Variants in ENOX1 observed in about 807,000 individuals in gnomAD.
ENOX1 encodes ecto-NOX disulfide-thiol exchanger 1, also known as candidate growth-related and time keeping constitutive hydroquinone (NADH) oxidase.
ENOX1 carries 42 observed loss-of-function variants against 82.5 expected under a neutral mutation model. That is an observed-to-expected ratio of 0.51 (90% CI 0.40 to 0.66). The LOEUF is 0.66. ENOX1 is among the 30% of genes least tolerant of loss of function. The probability of loss-of-function intolerance (pLI) is 0.00; values close to 1 mark genes in which losing one functional copy is unlikely to be tolerated. For missense variants in ENOX1, 608 were observed against 811.6 expected (o/e 0.75, Z 3.05); for synonymous variants, 271 against 282.2 (o/e 0.96, Z 0.40).
chr13:43,411,356 G>C (rs1036496278), intron 5 of ENOX1, among the ~76,000 whole-genome samples: 3 of 152,064 alleles, frequency 2.0e-5, no homozygotes, highest in African/African-American at 7.2e-5. Context: ...TGACTTTGTG[G>C]TATTTCTAAA....
At chr13:43,415,853 C>G (rs2054451621) in intron 3 of ENOX1, among the ~76,000 whole-genome samples, 1 of 151,646 alleles carries the variant, frequency 6.6e-6, no homozygotes, top group Non-Finnish European at 1.5e-5. Flanking sequence ...AGACGCTCCC[C>G]ACTTCCCAGA....
At chr13:43,413,683 TTATA>T (rs1286586074) in intron 3 of ENOX1, among the ~76,000 whole-genome samples, 1 of 142,610 alleles carries the variant, frequency 7.0e-6, no homozygotes, top group South Asian at 2.1e-4. Flanking sequence ...ATTGCCCAGC[TTATA>T]TATATATATA....
intron 5 of ENOX1, among the ~76,000 whole-genome samples, chr13:43,389,808 CTT>C (rs1389047296): frequency 6.6e-6 from 1 of 152,132 alleles, no homozygotes; most frequent in African/African-American, 2.4e-5. Context: ...GAAAATATCT[CTT>C]GATTTAGATA....
chr13:43,503,582 T>C (rs1458642168), intron 2 of ENOX1, among the ~76,000 whole-genome samples: 2 of 151,590 alleles, frequency 1.3e-5, no homozygotes, highest in Non-Finnish European at 3.0e-5. Flanking sequence ...AACCCAGGCA[T>C]GTAAGATCCA....
chr13:43,616,805 G>A (rs1348272513), intron 2 of ENOX1, among the ~76,000 whole-genome samples: 1 of 152,088 alleles, frequency 6.6e-6, no homozygotes, highest in Non-Finnish European at 1.5e-5. Context: ...GGAGGTACTA[G>A]AGGAAATATC....
intron 11 of ENOX1, among the ~76,000 whole-genome samples, chr13:43,304,243 T>C (rs1186237011): frequency 2.6e-5 from 4 of 152,226 alleles, no homozygotes; most frequent in Non-Finnish European, 5.9e-5. Context: ...CAGCTAATGA[T>C]TTTTATGTGC....
intron 1 of ENOX1, among the ~76,000 whole-genome samples, chr13:43,678,091 G>C (rs2153795250): frequency 6.6e-6 from 1 of 152,192 alleles, no homozygotes; most frequent in South Asian, 2.1e-4. Context: ...ATATATCCAG[G>C]AGGCTGAATG....
intron 2 of ENOX1, among the ~76,000 whole-genome samples, chr13:43,486,493 T>C (rs568449078): frequency 6.6e-6 from 1 of 152,250 alleles, no homozygotes; most frequent in Non-Finnish European, 1.5e-5. Context: ...TGACAATTTT[T>C]AAACATTCAT....
intron 2 of ENOX1, among the ~76,000 whole-genome samples, chr13:43,540,541 T>G (rs1228977869): frequency 6.6e-6 from 1 of 151,962 alleles, no homozygotes; most frequent in East Asian, 1.9e-4. Context: ...CATAGAAAAG[T>G]ATGTTGGAAG....
chr13:43,315,385 A>G (rs1360784640), intron 11 of ENOX1, among the ~76,000 whole-genome samples: 1 of 152,208 alleles, frequency 6.6e-6, no homozygotes, highest in Non-Finnish European at 1.5e-5. Context: ...CGTTTTTCAA[A>G]ATCAGAGATT....
At chr13:43,712,097 T>C (rs1282458281) in intron 1 of ENOX1, among the ~76,000 whole-genome samples, 1 of 151,658 alleles carries the variant, frequency 6.6e-6, no homozygotes, top group Non-Finnish European at 1.5e-5. Flanking sequence ...TTAATTTTTG[T>C]ATAAGGTGTA....
chr13:43,397,022 C>T (rs773463143), intron 5 of ENOX1, among the ~76,000 whole-genome samples: 1 of 152,180 alleles, frequency 6.6e-6, no homozygotes, highest in Non-Finnish European at 1.5e-5. Context: ...TACTGAGTGG[C>T]TTTTCCTGCA....
At chr13:43,516,339 T>C (rs1294274394) in intron 2 of ENOX1, among the ~76,000 whole-genome samples, 1 of 152,134 alleles carries the variant, frequency 6.6e-6, no homozygotes, top group East Asian at 1.9e-4. Context: ...CTACGGGATC[T>C]AAAAATGTGA....
At chr13:43,261,192 G>A (rs2044036284) in intron 14 of ENOX1, among the ~76,000 whole-genome samples, 1 of 152,186 alleles carries the variant, frequency 6.6e-6, no homozygotes, top group Non-Finnish European at 1.5e-5. Flanking sequence ...ACAGTAGAAC[G>A]TAAAAACAAC....
intron 3 of ENOX1, among the ~76,000 whole-genome samples, chr13:43,423,400 G>C (rs1244674367): frequency 6.6e-6 from 1 of 152,158 alleles, no homozygotes; most frequent in Non-Finnish European, 1.5e-5. Flanking sequence ...CCCATTTTAC[G>C]CAAAGCTTTT....
intron 2 of ENOX1, among the ~76,000 whole-genome samples, chr13:43,556,523 G>A (rs2079443515): frequency 6.6e-6 from 1 of 152,132 alleles, no homozygotes; most frequent in South Asian, 2.1e-4. Context: ...TGAGAACTAA[G>A]AGGTCACATC....
At chr13:43,379,667 G>A (rs764361313) in intron 5 of ENOX1, among the ~76,000 whole-genome samples, 3 of 151,970 alleles carry the variant, frequency 2.0e-5, no homozygotes, top group Admixed American at 6.6e-5. Flanking sequence ...AACATAAAAG[G>A]GCTGTGGGAC....
chr13:43,585,660 C>T (rs1488403854), intron 2 of ENOX1, among the ~76,000 whole-genome samples: 1 of 152,216 alleles, frequency 6.6e-6, no homozygotes, highest in Non-Finnish European at 1.5e-5. Context: ...TCACTGCAAC[C>T]TCCGTCTCCT....
intron 5 of ENOX1, among the ~76,000 whole-genome samples, chr13:43,387,508 C>T (rs534631275): frequency 7.9e-5 from 12 of 152,228 alleles, no homozygotes; most frequent in African/African-American, 2.6e-4. Context: ...TGAGATTCAA[C>T]AGGGGATTCC....
Sources: allele counts gnomAD v4.1 joint callset (sites outside exome capture counted in the v4.1 genomes callset), GRCh38; gene constraint gnomAD v4.1.1; transcripts MANE v1.5; gene names NCBI Gene and HGNC (gene_info 2026-07-23, HGNC 2026-07-21).